ABHD17B: variants seen among roughly 807,000 people sequenced by gnomAD.
ABHD17B encodes the protein alpha/beta hydrolase domain-containing protein 17B.
Under a neutral mutation model 26.2 loss-of-function variants are expected in ABHD17B, and 9 were observed. The ratio of observed to expected loss-of-function variants is 0.34; its 90% CI spans 0.21 to 0.60. The LOEUF is 0.60. ABHD17B is among the 20% of genes least tolerant of loss of function. The pLI is 0.80. For synonymous variants in ABHD17B, 127 were observed against 122.3 expected (o/e 1.04, Z -0.25); for missense variants, 224 against 352.1 (o/e 0.64, Z 2.91).
chr9:71,866,993 A>G lies in ABHD17B; in HGVS notation c.661T>C (p.Ser221Pro). The G allele has an allele frequency of 6.2e-7, 1 of 1,614,080 alleles. No individual in the cohort carries two copies. Residue 221 changes from serine to proline, a missense_variant, in exon 4 of 4, where the codon TCT becomes CCT. Ser to Pro is a moderately conservative substitution (Grantham distance 74). Transcript: ENST00000333421. Reference sequence around the variant, plus strand: ...ATTAATACTGGAGAGGTTATCTTAGAGATTTTGTCAATGCTGCAGGGAAAA... The same window carrying G: ...ATTAATACTGGAGAGGTTATCTTAGGGATTTTGTCAATGCTGCAGGGAAAA... Reference protein sequence around the residue: ...FDAFPNIDKISKITSPVLIIH... With the variant: ...FDAFPNIDKIPKITSPVLIIH...
chr9:71,908,642 T>C (rs1214549259), intron 1 of ABHD17B, among the ~76,000 whole-genome samples: 1 of 152,220 alleles, frequency 6.6e-6, no homozygotes, highest in African/African-American at 2.4e-5. Flanking sequence ...AACACCAATC[T>C]TAATACGGAA....
intron 1 of ABHD17B, among the ~76,000 whole-genome samples, chr9:71,878,514 T>G (rs1050204874): frequency 6.6e-6 from 1 of 151,996 alleles, no homozygotes; most frequent in Non-Finnish European, 1.5e-5. Flanking sequence ...ATGAACAAGA[T>G]CAGATGAACA....
At chr9:71,909,344 G>A (rs1285933830) in intron 1 of ABHD17B, among the ~76,000 whole-genome samples, 1 of 152,168 alleles carries the variant, frequency 6.6e-6, no homozygotes, top group African/African-American at 2.4e-5. Flanking sequence ...TGTTCCTTAA[G>A]TAACACGACC....
chr9:71,896,681 AACACACACACAC>A (rs147044015), intron 1 of ABHD17B, among the ~76,000 whole-genome samples: 2 of 147,704 alleles, frequency 1.4e-5, no homozygotes, highest in East Asian at 4.0e-4. Context: ...CTTCTACCAA[AACACACACACAC>A]ACACACACAC....
At position 71,875,086 on chromosome 9, in the gene ABHD17B, GA is replaced by G; in HGVS notation, c.-3-4del. 6.3e-7 allele frequency: 1 copy of G among 1,593,250 alleles called. No individual in the cohort carries two copies. The highest frequency in any genetic ancestry group is 1.1e-5 in the South Asian group (1 of 90,306). On this transcript the variant is annotated splice_region_variant and splice_polypyrimidine_tract_variant and intron_variant, in intron 1 of 3. Transcript: ENST00000333421. Reference sequence around the variant, plus strand: ...CTAAATGAAAGATTATTCATGCTCTGAAAAAGAAAAGGAGATAGCAAATATT... The same window carrying G: ...CTAAATGAAAGATTATTCATGCTCTGAAAAGAAAAGGAGATAGCAAATATT...
chr9:71,907,266 T>C (rs953527143), intron 1 of ABHD17B, among the ~76,000 whole-genome samples: 26 of 152,098 alleles, frequency 1.7e-4, no homozygotes, highest in Non-Finnish European at 3.2e-4. Context: ...TAAATAAACA[T>C]AGATAAATCT....
chr9:71,894,772 C>T (rs531341502), intron 1 of ABHD17B, among the ~76,000 whole-genome samples: 1 of 152,054 alleles, frequency 6.6e-6, no homozygotes, highest in South Asian at 2.1e-4. Flanking sequence ...CTGCAGTAAG[C>T]TATGATCACA....
rs187622351 is a variant in ABHD17B, at chr9:71,875,405, A to G, written c.-3-322T>C. ...CACACCCGGTTAATTTTGTATTTTT[A>G]GTAGAGATGGGGTTTCTCCATGTTG... On this transcript the variant is annotated intron_variant, in intron 1 of 3. Coordinates refer to ENST00000333421, the MANE Select transcript of ABHD17B (RefSeq NM_001025780.3). Among the ~76,000 whole-genome samples, 13 of 152,190 alleles carry G rather than the reference A, an allele frequency of 8.5e-5. No homozygotes were observed. The East Asian group carries it at 2.3e-3, about 27-fold the overall frequency.
intron 1 of ABHD17B, among the ~76,000 whole-genome samples, chr9:71,891,447 G>C (rs113425661): frequency 6.6e-6 from 1 of 152,066 alleles, no homozygotes; most frequent in African/African-American, 2.4e-5. Context: ...AGGAATCCTA[G>C]GACTATCCAC....
At chr9:71,908,655 A>T (rs536204249) in intron 1 of ABHD17B, among the ~76,000 whole-genome samples, 2 of 152,324 alleles carry the variant, frequency 1.3e-5, no homozygotes, top group Admixed American at 6.5e-5. Flanking sequence ...ATACGGAAGA[A>T]ATTTTAATTC....
intron 1 of ABHD17B, among the ~76,000 whole-genome samples, chr9:71,899,256 C>T (rs1378977512): frequency 7.9e-5 from 12 of 152,150 alleles, no homozygotes; most frequent in African/African-American, 2.9e-4. Context: ...GTTTCCAAAG[C>T]TGTATGCCAA....
intron 1 of ABHD17B, among the ~76,000 whole-genome samples, chr9:71,906,403 T>C (rs555703898): frequency 6.6e-5 from 10 of 152,368 alleles, no homozygotes; most frequent in African/African-American, 2.2e-4. Context: ...TCTGTAGCTG[T>C]TGTATTGATG....
chr9:71,867,136 C>T (rs1825981973), intron 3 of ABHD17B, 130 bp from the exon 4 acceptor site: 7 of 1,110,208 alleles, frequency 6.3e-6, no homozygotes, highest in Non-Finnish European at 8.8e-6. Context: ...AAGAATGTCT[C>T]CTGAATTTCC....
downstream of ABHD17B, chr9:71,862,589 C>A: frequency 7.0e-7 from 1 of 1,422,524 alleles, no homozygotes; most frequent in Non-Finnish European, 9.9e-7. Flanking sequence ...AATCACTTCC[C>A]TTCTTTATGT....
chr9:71,886,420 T>A (rs1418145122), intron 1 of ABHD17B, among the ~76,000 whole-genome samples: 9 of 42,068 alleles, frequency 2.1e-4, no homozygotes, highest in Non-Finnish European at 2.9e-4. Flanking sequence ...AGACCCTGTC[T>A]CAAAAAAAAA....
In ABHD17B at chr9:71,874,916, G is replaced by T; in HGVS notation, c.165C>A (p.Asp55Glu). The change falls in exon 2 of 4, where the codon GAC becomes GAA. Residue 55 changes from aspartate to glutamate, a missense_variant. Asp to Glu is a conservative substitution (Grantham distance 45). Transcript: ENST00000333421. ...RWTLHLSERA[D>E]WQYSSREKDA... The stretch of plus-strand genomic sequence containing the variant: ...CTTTTTCTCTAGAAGAATACTGCCA[G>T]TCTGCTCGTTCAGACAGATGTAAAG... The T allele has an allele frequency of 1.2e-6, 2 of 1,614,182 alleles. No homozygotes were observed. The highest frequency in any genetic ancestry group is 8.5e-7 in the Non-Finnish European group (1 of 1,180,044).
intron 1 of ABHD17B, among the ~76,000 whole-genome samples, chr9:71,878,124 C>T (rs1826332297): frequency 6.7e-6 from 1 of 150,350 alleles, no homozygotes; most frequent in Admixed American, 6.6e-5. Flanking sequence ...TGAAGAAAAA[C>T]ATTTTATTCT....
intron 1 of ABHD17B, among the ~76,000 whole-genome samples, chr9:71,887,341 T>C (rs1009108381): frequency 1.3e-5 from 2 of 152,164 alleles, no homozygotes; most frequent in African/African-American, 4.8e-5. Flanking sequence ...AGATCTATGA[T>C]GACATTATAG....
chr9:71,878,437 T>C (rs1040295754), intron 1 of ABHD17B, among the ~76,000 whole-genome samples: 3 of 151,908 alleles, frequency 2.0e-5, no homozygotes, highest in Non-Finnish European at 4.4e-5. Context: ...TTCTCAGAAT[T>C]AAAGGGGGAA....
Sources: gnomAD v4.1 joint callset for allele counts (sites outside exome capture counted in the v4.1 genomes callset) on GRCh38, gnomAD v4.1.1 for gene constraint, MANE v1.5 for transcripts, NCBI Gene and HGNC (gene_info 2026-07-23, HGNC 2026-07-21) for gene names.